Variants in MYBBP1A observed in about 807,000 individuals in gnomAD.
MYBBP1A encodes MYB binding protein 1a.
Under a neutral mutation model 136.3 loss-of-function variants are expected in MYBBP1A, and 147 were observed. The observed-to-expected ratio is 1.08, with a 90% CI of 0.94 to 1.24. The LOEUF (loss-of-function observed/expected upper bound fraction) is 1.24, where lower values mean the gene tolerates loss of function less well. MYBBP1A is among the 50% of genes most tolerant of loss of function. The pLI is 0.00. For synonymous variants in MYBBP1A, 947 were observed against 735.8 expected (o/e 1.29, Z -4.65); for missense variants, 2,060 against 1,727.4 (o/e 1.19, Z -3.41).
intron 8 of MYBBP1A, among the ~76,000 whole-genome samples, chr17:4,551,191 G>A (rs1357041123): frequency 6.6e-6 from 1 of 152,240 alleles, no homozygotes; most frequent in African/African-American, 2.4e-5. Context: ...CCCTCACCCA[G>A]AATGACAGCT....
In MYBBP1A at chr17:4,554,244, C is replaced by T; in HGVS notation, c.329G>A (p.Ser110Asn). 1 of 1,614,090 alleles carries T rather than the reference C, an allele frequency of 6.2e-7. No individual in the cohort carries two copies. Among genetic ancestry groups the T allele is most frequent in the Non-Finnish European group, 8.5e-7 (1 of 1,180,028 alleles). Reference protein sequence around the residue: ...LQSFEDLPLCSILQQIQEKYD... With the variant: ...LQSFEDLPLCNILQQIQEKYD... ...TTTTTCTTGTATCTGCTGCAGGATG[C>T]TGCACAAGGGGAGGTCTTCAAAAGA... Residue 110 changes from serine to asparagine, a missense_variant, in exon 3 of 26, where the codon AGC becomes AAC. Ser to Asn is a conservative substitution (Grantham distance 46). Coordinates refer to ENST00000254718, the MANE Select transcript of MYBBP1A (RefSeq NM_014520.4).
rs751099981 is a variant in MYBBP1A at position 4,545,724 on chromosome 17, C to G, written c.1959G>C (p.Glu653Asp). ...QEPPWVEVLVEILLALLAQPS... is the reference protein window; with the variant it reads ...QEPPWVEVLVDILLALLAQPS... ...GCTGGGCCAACAGGGCCAGCAAGAT[C>G]TCCACCAGCACCTCTACCCACGGGG... The change falls in exon 15 of 26, where the codon GAG becomes GAC. Residue 653 changes from glutamate to aspartate, a missense_variant. By Grantham distance (45) the Glu-to-Asp change is conservative. Transcript: ENST00000254718. 5 of 1,609,734 alleles carry G rather than the reference C, an allele frequency of 3.1e-6. No homozygotes were observed. In the South Asian group the frequency reaches 5.5e-5, roughly 18 times the overall value.
chr17:4,543,782 C>T (rs1366725754), intron 19 of MYBBP1A, among the ~76,000 whole-genome samples: 1 of 152,122 alleles, frequency 6.6e-6, no homozygotes, highest in Non-Finnish European at 1.5e-5. Flanking sequence ...CTCTCCCACG[C>T]CTGCCACCGC....
chr17:4,545,060 T>C lies in MYBBP1A; in HGVS notation c.2276A>G (p.Gln759Arg). The change falls in exon 17 of 26, where the codon CAG becomes CGG. Residue 759 changes from glutamine (Q) to arginine (R), a missense_variant. By Grantham distance (43) the Gln-to-Arg change is conservative. Coordinates refer to ENST00000254718, the MANE Select transcript of MYBBP1A (RefSeq NM_014520.4). ...DGDVDQGFRE[Q>R]LMTVLQAGKA... The stretch of plus-strand genomic sequence containing the variant: ...CCCAGCCTGCAGCACGGTCATCAGC[T>C]GTTCCCGGAAGCCCTGATCCACGTC... The C allele has an allele frequency of 6.6e-7, 1 of 1,524,968 alleles. No homozygotes were observed. The highest frequency in any genetic ancestry group is 8.8e-7 in the Non-Finnish European group (1 of 1,137,706). 94.5% of individuals were successfully genotyped at this position (1,524,968 alleles called of 1,614,324 possible).
Position 4,542,846 on chromosome 17 carries a change from G to C in MYBBP1A, c.2892+67C>G. On this transcript the variant is annotated intron_variant, in intron 20 of 25. Transcript: ENST00000254718. The stretch of plus-strand genomic sequence containing the variant: ...AGAAGGCTGAGGGTTGGGCCCTGGG[G>C]AAGTCCCGGCCTCCACTCCCTGGCT... 3 of 1,604,176 alleles carry C rather than the reference G, an allele frequency of 1.9e-6. No individual in the cohort carries two copies. In the South Asian group the frequency reaches 3.3e-5, roughly 18 times the overall value.
Position 4,552,555 on chromosome 17 carries a change from G to A in MYBBP1A, c.633C>T (p.Ser211=), listed in dbSNP as rs748834701. The change falls in exon 6 of 26, where the codon TCC becomes TCT. Residue 211 remains serine (S), a synonymous_variant. Transcript: ENST00000254718. This position sits in a 1 kb window ranked among gnomAD's most constrained non-coding sequence, Gnocchi z 4.7. ...LKADLNIILS[S]PEQLELFLLA... The stretch of plus-strand genomic sequence containing the variant: ...GGAGGAAGAGCTCTAGCTGTTCAGG[G>A]GAGCTGAGTATTATATTCAAGTCGG... 22 of 1,613,928 alleles carry A rather than the reference G, an allele frequency of 1.4e-5. No individual in the cohort carries two copies. The Admixed American group carries it at 2.0e-4, about 15-fold the overall frequency.
In MYBBP1A at chr17:4,550,297, T is replaced by A; in HGVS notation, c.1080A>T (p.Leu360=). The change falls in exon 9 of 26, where the codon CTA becomes CTT. Residue 360 remains leucine (L), a synonymous_variant. Transcript: ENST00000254718. ...GCTCAGGGTCATCCTGGCACCCCTC[T>A]AGGAAGGTGCCCACGTAATCGTCCA... ...PEMDDYVGTF[L]EGCQDDPERQ... The A allele has an allele frequency of 6.2e-7, 1 of 1,613,232 alleles. No homozygotes were observed. Among genetic ancestry groups the A allele is most frequent in the East Asian group, 2.2e-5 (1 of 44,876 alleles).
At chr17:4,544,685 C>A in intron 18 of MYBBP1A, 39 bp from the exon 19 acceptor site, 1 of 1,444,068 alleles carries the variant, frequency 6.9e-7, no homozygotes. Context: ...CGGGGGTGGG[C>A]GCACAGGGAG....
chr17:4,543,321 CA>C (rs1906646465), intron 19 of MYBBP1A, 156 bp from the exon 20 acceptor site: 2 of 1,031,048 alleles, frequency 1.9e-6, no homozygotes, highest in Non-Finnish European at 2.7e-6. Flanking sequence ...GGGCCGCCTG[CA>C]GGCTGCCTGG....
chr17:4,554,910 C>G lies in MYBBP1A; in HGVS notation c.245G>C (p.Gly82Ala), dbSNP rs781046008. The change falls in exon 2 of 26, where the codon GGG becomes GCG. Residue 82 changes from glycine (G) to alanine (A), a missense_variant. Physicochemically the swap from Gly to Ala is moderately conservative, Grantham distance 60 (BLOSUM62 0). Coordinates refer to ENST00000254718, the MANE Select transcript of MYBBP1A (RefSeq NM_014520.4). ...YALKRLITGL[G>A]VGRETARPCY... The stretch of plus-strand genomic sequence containing the variant: ...GGGCCGGGCTGTTTCTCGCCCGACC[C>G]CGAGTCCCGTGATTAGACGCTTCAG... 5 of 1,613,622 alleles carry G rather than the reference C, an allele frequency of 3.1e-6. No individual in the cohort carries two copies. The South Asian group carries it at 5.5e-5, about 18-fold the overall frequency.
At chr17:4,550,494 T>A in intron 8 of MYBBP1A, 141 bp from the exon 9 acceptor site, 1 of 907,406 alleles carries the variant, frequency 1.1e-6, no homozygotes, top group Non-Finnish European at 1.7e-6. Context: ...ACCAGGCTTG[T>A]GCCCACTACA....
intron 24 of MYBBP1A, among the ~76,000 whole-genome samples, chr17:4,540,924 A>AGGCCCCGTCCCGGGCCCCGTCCCG (rs11268274): frequency 0.12 from 18,424 of 151,172 alleles, 1,512 homozygotes; most frequent in East Asian, 0.37. Context: ...CAGTTTTGTA[A>AGGCCCCGTCCCGGGCCCCGTCCCG]GGCCCCGTCC....
In MYBBP1A at chr17:4,555,360, C is replaced by T. The variant is rs375319139; in HGVS notation, c.-36G>A. 7.7e-6 allele frequency: 12 copies of T among 1,565,950 alleles called. No homozygotes were observed. In the African/African-American group the frequency reaches 8.1e-5, roughly 11 times the overall value. On this transcript the variant is annotated 5_prime_UTR_variant, in exon 1 of 26. Coordinates refer to ENST00000254718, the MANE Select transcript of MYBBP1A (RefSeq NM_014520.4). The stretch of plus-strand genomic sequence containing the variant: ...CTCACCGAAACACGAAACACGTGTG[C>T]TCCGGCCCCAGCCGCTTCCAGGTCA...
At position 4,540,068 on chromosome 17, in the gene MYBBP1A, C is replaced by T. The variant is rs1487623919; in HGVS notation, c.3435-101G>A. ...CTGGATTCTGAGGGTCCTCTGAGGC[C>T]CCTAGGTTCTGTGAGGCCCCTATGA... On this transcript the variant is annotated intron_variant, in intron 25 of 25. Coordinates refer to ENST00000254718, the MANE Select transcript of MYBBP1A (RefSeq NM_014520.4). 2.9e-6 allele frequency: 4 copies of T among 1,398,118 alleles called. No individual in the cohort carries two copies. The East Asian group carries it at 6.9e-5, about 24-fold the overall frequency. 86.6% of individuals were successfully genotyped at this position (1,398,118 alleles called of 1,614,324 possible).
rs754483025 is a variant in MYBBP1A at position 4,552,018 on chromosome 17, A to G, written c.906-21T>C. The G allele has an allele frequency of 5.6e-6, 9 of 1,601,076 alleles. No individual in the cohort carries two copies. The highest frequency in any genetic ancestry group is 7.7e-6 in the Non-Finnish European group (9 of 1,171,346). ...GGTAGCTAAAGGGGGTGCAGGACAG[A>G]GCCTGGTCAGAGCCCTTGGTGCCCC... On this transcript the variant is annotated intron_variant, in intron 7 of 25. Transcript: ENST00000254718. The surrounding 1 kb of genome is among the most constrained non-coding windows in gnomAD (Gnocchi z 4.7).
In MYBBP1A at chr17:4,542,121, CATT is replaced by C. The variant is rs926516484; in HGVS notation, c.3088-233_3088-231del. ...ACCTCAGGTTGGGACAATTCCTGCCCATTATTGGCTTAGTGCCATCTTCCTCCA... is the reference window on the plus strand; with the variant it reads ...ACCTCAGGTTGGGACAATTCCTGCCCATTGGCTTAGTGCCATCTTCCTCCA... On this transcript the variant is annotated intron_variant, in intron 22 of 25. Transcript: ENST00000254718. 1.9e-5 allele frequency: 11 copies of C among 588,680 alleles called. No individual in the cohort carries two copies. The Admixed American group carries it at 3.4e-4, about 18-fold the overall frequency. The allele number at this position is 588,680 out of a possible 1,614,324, so 36.5% of individuals were successfully genotyped here.
Position 4,552,033 on chromosome 17 carries a change from C to G in MYBBP1A, c.906-36G>C. On this transcript the variant is annotated intron_variant, in intron 7 of 25. Coordinates refer to ENST00000254718, the MANE Select transcript of MYBBP1A (RefSeq NM_014520.4). The surrounding 1 kb of genome is among the most constrained non-coding windows in gnomAD (Gnocchi z 4.7). ...TGCAGGACAGAGCCTGGTCAGAGCCCTTGGTGCCCCTGGTGGGAACCTCAG... is the reference window on the plus strand; with the variant it reads ...TGCAGGACAGAGCCTGGTCAGAGCCGTTGGTGCCCCTGGTGGGAACCTCAG... 6.3e-7 allele frequency: 1 copy of G among 1,595,682 alleles called. No homozygotes were observed. The highest frequency in any genetic ancestry group is 8.6e-7 in the Non-Finnish European group (1 of 1,168,166).
Position 4,539,576 on chromosome 17 carries a change from G to A in MYBBP1A, c.3826C>T (p.Gln1276Ter). The A allele has an allele frequency of 6.2e-7, 1 of 1,614,186 alleles. No individual in the cohort carries two copies. Among genetic ancestry groups the A allele is most frequent in the East Asian group, 2.2e-5 (1 of 44,884 alleles). Reference protein sequence around the residue: ...GSPTEPAGQKQHQKALPKKGV... With the variant: ...GSPTEPAGQK ...TTTTTGGGAAGAGCCTTCTGATGCT[G>A]CTTTTGGCCTGCAGGTTCCGTGGGG... The change falls in exon 26 of 26, where the codon CAG becomes TAG. Residue 1276 changes from glutamine to a stop codon, truncating the protein, a stop_gained. Coordinates refer to ENST00000254718, the MANE Select transcript of MYBBP1A (RefSeq NM_014520.4). LOFTEE classifies it low-confidence loss of function (END_TRUNC).
chr17:4,549,785 C>CAA (rs60360356), intron 9 of MYBBP1A, among the ~76,000 whole-genome samples: 865 of 65,338 alleles, frequency 0.013, 26 homozygotes, highest in African/African-American at 0.029. Context: ...GAGACTCTGT[C>CAA]AAAAAAAAAA....
Sources: gnomAD v4.1 joint callset for allele counts (sites outside exome capture counted in the v4.1 genomes callset) on GRCh38, gnomAD v4.1.1 for gene constraint, Gnocchi (gnomAD v3.1) non-coding constraint, MANE v1.5 for transcripts, NCBI Gene and HGNC (gene_info 2026-07-23, HGNC 2026-07-21) for gene names.